KCNMA1: variants seen among roughly 807,000 people sequenced by gnomAD.
The protein encoded by KCNMA1 is Calcium-activated potassium channel subunit alpha-1.
KCNMA1 carries 29 observed loss-of-function variants against 140.0 expected under a neutral mutation model. The ratio of observed to expected loss-of-function variants is 0.21; its 90% CI spans 0.15 to 0.28. The LOEUF (loss-of-function observed/expected upper bound fraction) is 0.28. Ranked by LOEUF, KCNMA1 falls within the 10% of genes least tolerant of loss-of-function variation. KCNMA1 has a pLI of 1.00. For synonymous variants in KCNMA1, 612 were observed against 611.9 expected (o/e 1.00, Z 0.00); for missense variants, 880 against 1,602.2 (o/e 0.55, Z 7.70).
At chr10:77,383,115 T>A (rs577575790) in intron 2 of KCNMA1, among the ~76,000 whole-genome samples, 23 of 150,954 alleles carry the variant, frequency 1.5e-4, no homozygotes, top group African/African-American at 5.4e-4. Context: ...TTTAAGATTA[T>A]AATGTTGATT....
chr10:76,888,800 C>T (rs1445980016), intron 27 of KCNMA1, among the ~76,000 whole-genome samples: 3 of 152,110 alleles, frequency 2.0e-5, no homozygotes, highest in Non-Finnish European at 4.4e-5. Context: ...TGTGGTGGCT[C>T]ACACCTGTAA....
chr10:76,883,573 T>C (rs1473187513), downstream of KCNMA1, among the ~76,000 whole-genome samples: 1 of 152,232 alleles, frequency 6.6e-6, no homozygotes, highest in Non-Finnish European at 1.5e-5. Flanking sequence ...CTACTTATTG[T>C]TCACCCCTTT....
intron 1 of KCNMA1, among the ~76,000 whole-genome samples, chr10:77,548,250 T>C (rs1222743364): frequency 6.6e-6 from 1 of 152,126 alleles, no homozygotes; most frequent in East Asian, 1.9e-4. Context: ...AGAAAGGCAA[T>C]CTGTGCACCA....
intron 13 of KCNMA1, among the ~76,000 whole-genome samples, chr10:77,075,487 C>T (rs945737966): frequency 3.3e-5 from 5 of 152,202 alleles, no homozygotes; most frequent in Non-Finnish European, 7.3e-5. Context: ...TTCAAACAAA[C>T]AAGCAAAACC....
At chr10:77,135,015 A>AAAAAAAAAAAAAAAAAAAAAAAAAAAG (rs2097967133) in intron 5 of KCNMA1, among the ~76,000 whole-genome samples, 1 of 143,966 alleles carries the variant, frequency 6.9e-6, no homozygotes. Flanking sequence ...AAAAAAAAAA[A>AAAAAAAAAAAAAAAAAAAAAAAAAAAG]AAAAAAAAAA....
chr10:76,900,896 TA>T (rs5786248), intron 25 of KCNMA1, among the ~76,000 whole-genome samples: 104,568 of 146,176 alleles, frequency 0.72, 39,201 homozygotes, highest in Non-Finnish European at 0.85. Flanking sequence ...CCCTATTTGT[TA>T]AAAAAAAAAA....
chr10:77,017,926 G>A (rs1565567950), intron 17 of KCNMA1, among the ~76,000 whole-genome samples: 1 of 152,140 alleles, frequency 6.6e-6, no homozygotes, highest in Non-Finnish European at 1.5e-5. Context: ...CTAGAATAGT[G>A]CTGGGGTGTA....
At chr10:77,499,628 G>T (rs537231680) in intron 1 of KCNMA1, among the ~76,000 whole-genome samples, 2 of 152,164 alleles carry the variant, frequency 1.3e-5, no homozygotes, top group African/African-American at 4.8e-5. Context: ...CATATTAAAA[G>T]AAACAAAGTG....
At chr10:77,388,856 T>G (rs2095708500) in intron 2 of KCNMA1, among the ~76,000 whole-genome samples, 3 of 152,192 alleles carry the variant, frequency 2.0e-5, no homozygotes. Context: ...TACAAGGTTT[T>G]TTTCTGTAAG....
intron 1 of KCNMA1, among the ~76,000 whole-genome samples, chr10:77,473,095 T>C (rs866864): frequency 0.37 from 56,200 of 152,174 alleles, 10,799 homozygotes; most frequent in African/African-American, 0.47. Context: ...AGGAAAACCC[T>C]TCTGTCAGTT....
chr10:77,263,675 G>T (rs560763625), intron 2 of KCNMA1, among the ~76,000 whole-genome samples: 1 of 152,248 alleles, frequency 6.6e-6, no homozygotes, highest in East Asian at 1.9e-4. Context: ...TGCCATCTAA[G>T]CCCTATAGTG....
intron 5 of KCNMA1, among the ~76,000 whole-genome samples, chr10:77,128,082 A>G (rs1309487608): frequency 2.6e-5 from 4 of 152,052 alleles, no homozygotes; most frequent in African/African-American, 9.7e-5. Context: ...AATGAAGCTA[A>G]TTATTTTTTC....
chr10:77,503,302 A>AT (rs144250388), intron 1 of KCNMA1, among the ~76,000 whole-genome samples: 188 of 152,086 alleles, frequency 1.2e-3, no homozygotes, highest in African/African-American at 4.3e-3. Context: ...CACATTTTGG[A>AT]TTTTTTTTCT....
chr10:77,147,292 A>T (rs1032874148), intron 5 of KCNMA1, among the ~76,000 whole-genome samples: 1 of 152,166 alleles, frequency 6.6e-6, no homozygotes, highest in Non-Finnish European at 1.5e-5. Context: ...AAGTTTGGGA[A>T]CTAGAAGCCT....
chr10:77,386,003 G>T lies in KCNMA1; in HGVS notation c.540+17859C>A, dbSNP rs115723890. Reference sequence around the variant, plus strand: ...AGCATCAAGGGCAAATCCATAGGACGTGCCTCCTACCAGGATGTAATATGT... The same window carrying T: ...AGCATCAAGGGCAAATCCATAGGACTTGCCTCCTACCAGGATGTAATATGT... On this transcript the variant is annotated intron_variant, in intron 2 of 27. Coordinates refer to ENST00000286628, the MANE Select transcript of KCNMA1 (RefSeq NM_001161352.2). Among the ~76,000 whole-genome samples, 1,056 of 152,274 alleles carry T rather than the reference G, an allele frequency of 6.9e-3. 14 individuals carry two copies. Among genetic ancestry groups the T allele is most frequent in the African/African-American group, 0.024 (1,004 of 41,546 alleles).
At chr10:76,937,186 G>A (rs2060788444) in intron 23 of KCNMA1, among the ~76,000 whole-genome samples, 1 of 152,140 alleles carries the variant, frequency 6.6e-6, no homozygotes, top group Admixed American at 6.5e-5. Flanking sequence ...CTTATGTTGG[G>A]CTAAAATCCT....
At position 77,246,327 on chromosome 10, in the gene KCNMA1, A is replaced by G. The variant is rs570186603; in HGVS notation, c.602+4868T>C. On this transcript the variant is annotated intron_variant, in intron 3 of 27. Transcript: ENST00000286628. ...TGGGAATAGTAATACCTATCCTAAG[A>G]AGTTGTTAGGGGAATTCAATGAGGT... Among the ~76,000 whole-genome samples the G allele has an allele frequency of 1.1e-4, 16 of 152,296 alleles. 1 individual carries two copies. In the East Asian group the frequency reaches 2.5e-3, roughly 24 times the overall value.
chr10:77,368,815 C>G (rs2094514987), intron 2 of KCNMA1, among the ~76,000 whole-genome samples: 1 of 152,162 alleles, frequency 6.6e-6, no homozygotes, highest in Non-Finnish European at 1.5e-5. Context: ...ATTGAATTGT[C>G]TTTGTACCTC....
At chr10:77,375,318 C>T (rs770136606) in intron 2 of KCNMA1, among the ~76,000 whole-genome samples, 7 of 152,116 alleles carry the variant, frequency 4.6e-5, no homozygotes, top group Non-Finnish European at 8.8e-5. Context: ...CTTCAGAGTC[C>T]GACCTAAGTT....
Sources: gnomAD v4.1 joint callset for allele counts (sites outside exome capture counted in the v4.1 genomes callset) on GRCh38, gnomAD v4.1.1 for gene constraint, MANE v1.5 for transcripts, NCBI Gene and HGNC (gene_info 2026-07-23, HGNC 2026-07-21) for gene names.